Variants in RALYL observed in about 807,000 individuals in gnomAD.
RALYL encodes the protein RNA-binding Raly-like protein.
Under a neutral mutation model 35.1 loss-of-function variants are expected in RALYL, and 29 were observed. The ratio of observed to expected loss-of-function variants is 0.83; its 90% CI spans 0.61 to 1.13. RALYL has a LOEUF of 1.13. Ranked by LOEUF, RALYL falls within the 50% of genes most tolerant of loss-of-function variation. The pLI is 0.00. For missense variants in RALYL, 359 were observed against 360.4 expected (o/e 1.00, Z 0.03); for synonymous variants, 120 against 127.6 (o/e 0.94, Z 0.40).
intron 4 of RALYL, among the ~76,000 whole-genome samples, chr8:84,813,091 C>T (rs1175025686): frequency 6.6e-6 from 1 of 152,184 alleles, no homozygotes; most frequent in African/African-American, 2.4e-5. Flanking sequence ...GGGCTTTTCC[C>T]ACTGCTTCCT....
intron 2 of RALYL, among the ~76,000 whole-genome samples, chr8:84,618,410 G>T (rs1367693104): frequency 6.6e-6 from 1 of 151,176 alleles, no homozygotes; most frequent in African/African-American, 2.5e-5. Context: ...TCTGATGGTA[G>T]TTTGTATTTC....
chr8:84,335,546 T>C (rs1009349250), intron 1 of RALYL, among the ~76,000 whole-genome samples: 1 of 151,894 alleles, frequency 6.6e-6, no homozygotes, highest in Non-Finnish European at 1.5e-5. Context: ...CAAATCAAAT[T>C]TTCTGAATTT....
At chr8:84,494,515 T>C (rs1564029733) in intron 1 of RALYL, among the ~76,000 whole-genome samples, 1 of 152,184 alleles carries the variant, frequency 6.6e-6, no homozygotes, top group South Asian at 2.1e-4. Context: ...TTTCATGATA[T>C]TGATTCTTCC....
chr8:84,193,528 C>T (rs1586064821), intron 1 of RALYL, among the ~76,000 whole-genome samples: 1 of 152,126 alleles, frequency 6.6e-6, no homozygotes, highest in African/African-American at 2.4e-5. Flanking sequence ...GATGAGGATT[C>T]TGTGGTAAAT....
chr8:84,353,790 A>G (rs1017223100), intron 1 of RALYL, among the ~76,000 whole-genome samples: 7 of 150,382 alleles, frequency 4.7e-5, no homozygotes, highest in African/African-American at 1.5e-4. Context: ...AGAGCTGAGT[A>G]ATTTTTTACT....
intron 2 of RALYL, among the ~76,000 whole-genome samples, chr8:84,751,777 T>C (rs1232851612): frequency 1.3e-5 from 2 of 152,118 alleles, no homozygotes; most frequent in East Asian, 3.9e-4. Flanking sequence ...AGATTGAAAG[T>C]TTCCTGAGGC....
intron 5 of RALYL, among the ~76,000 whole-genome samples, chr8:84,854,769 G>A (rs1006179397): frequency 6.6e-6 from 1 of 152,164 alleles, no homozygotes; most frequent in African/African-American, 2.4e-5. Context: ...CACTTCTAGG[G>A]CTGGAGAAAC....
intron 2 of RALYL, among the ~76,000 whole-genome samples, chr8:84,545,455 A>T (rs926404905): frequency 1.3e-5 from 2 of 152,192 alleles, no homozygotes; most frequent in African/African-American, 4.8e-5. Flanking sequence ...TAGATACAGA[A>T]CAATATTATA....
At chr8:84,424,318 A>G (rs2046070468) in intron 1 of RALYL, among the ~76,000 whole-genome samples, 1 of 117,482 alleles carries the variant, frequency 8.5e-6, no homozygotes, top group Non-Finnish European at 1.7e-5. Flanking sequence ...CATTGCTGAT[A>G]CCCTTTCTTC....
intron 4 of RALYL, among the ~76,000 whole-genome samples, chr8:84,825,922 G>C (rs1365771512): frequency 6.6e-6 from 1 of 151,970 alleles, no homozygotes; most frequent in Middle Eastern, 3.2e-3. Context: ...TCAATAGTGG[G>C]CTGGAAAAAG....
chr8:84,473,529 TG>T (rs570683667), intron 1 of RALYL, among the ~76,000 whole-genome samples: 56 of 151,926 alleles, frequency 3.7e-4, no homozygotes, highest in African/African-American at 9.6e-4. Context: ...AATGGTTTTT[TG>T]AATGTGAATG....
At chr8:84,811,959 C>CTGAT (rs1826001968) in intron 4 of RALYL, among the ~76,000 whole-genome samples, 1 of 152,142 alleles carries the variant, frequency 6.6e-6, no homozygotes, top group African/African-American at 2.4e-5. Context: ...TGGTGCCTCC[C>CTGAT]TGATTAGCTT....
At position 84,637,481 on chromosome 8, in the gene RALYL, A is replaced by C. The variant is rs575529086; in HGVS notation, c.256+107904A>C. 2.0e-5 allele frequency among the ~76,000 whole-genome samples: 3 copies of C among 152,024 alleles called. No homozygotes were observed. The South Asian group carries it at 6.2e-4, about 32-fold the overall frequency. On this transcript the variant is annotated intron_variant, in intron 2 of 8. Coordinates refer to ENST00000521268, the MANE Select transcript of RALYL (RefSeq NM_173848.7). The stretch of plus-strand genomic sequence containing the variant: ...ACAAGTCCAACCACTGGCTGCTTGC[A>C]GAATCCAATTAACAAGAGTGAGTTA...
chr8:84,384,212 T>C (rs543829540), intron 1 of RALYL, among the ~76,000 whole-genome samples: 1 of 151,850 alleles, frequency 6.6e-6, no homozygotes, highest in South Asian at 2.1e-4. Context: ...AAAATGGGGA[T>C]AACACTTGCC....
intron 1 of RALYL, among the ~76,000 whole-genome samples, chr8:84,258,542 ATT>A (rs1831621049): frequency 2.0e-5 from 3 of 152,010 alleles, no homozygotes; most frequent in Non-Finnish European, 4.4e-5. Context: ...AAGTTGCAGT[ATT>A]TGATTGTATC....
chr8:84,447,305 G>A (rs1045025854), intron 1 of RALYL, among the ~76,000 whole-genome samples: 14 of 152,080 alleles, frequency 9.2e-5, no homozygotes, highest in Non-Finnish European at 1.9e-4. Context: ...ACACATTCCG[G>A]TTCTGAATCT....
chr8:84,445,933 A>G lies in RALYL; in HGVS notation c.-23-83366A>G, dbSNP rs368425981. Reference sequence around the variant, plus strand: ...TTTAAAAGGAGGCCAATATTTGATAATATTTGATTCTGATTATTGTTTAAA... The same window carrying G: ...TTTAAAAGGAGGCCAATATTTGATAGTATTTGATTCTGATTATTGTTTAAA... On this transcript the variant is annotated intron_variant, in intron 1 of 8. Coordinates refer to ENST00000521268, the MANE Select transcript of RALYL (RefSeq NM_173848.7). 2.6e-5 allele frequency among the ~76,000 whole-genome samples: 4 copies of G among 151,680 alleles called. No homozygotes were observed. The South Asian group carries it at 8.3e-4, about 31-fold the overall frequency.
chr8:84,670,991 G>A (rs1385782595), intron 2 of RALYL, among the ~76,000 whole-genome samples: 1 of 152,160 alleles, frequency 6.6e-6, no homozygotes, highest in Non-Finnish European at 1.5e-5. Flanking sequence ...TCTGTTTAGA[G>A]CCTGTAAAAT....
chr8:84,222,472 A>G (rs1822485664), intron 1 of RALYL, among the ~76,000 whole-genome samples: 1 of 152,176 alleles, frequency 6.6e-6, no homozygotes, highest in African/African-American at 2.4e-5. Flanking sequence ...ACAGTGAGTC[A>G]TGGAAGCCCA....
Sources: gnomAD v4.1 joint callset for allele counts (sites outside exome capture counted in the v4.1 genomes callset) on GRCh38, gnomAD v4.1.1 for gene constraint, MANE v1.5 for transcripts, NCBI Gene and HGNC (gene_info 2026-07-23, HGNC 2026-07-21) for gene names.